The following PTPRQ variants were observed in gnomAD, a reference collection of about 807,000 sequenced individuals.
PTPRQ encodes the protein phosphatidylinositol phosphatase PTPRQ.
PTPRQ carries 199 observed loss-of-function variants against 246.0 expected under a neutral mutation model. The observed-to-expected ratio is 0.81, with a 90% CI of 0.72 to 0.91. The LOEUF (loss-of-function observed/expected upper bound fraction) is 0.91, where lower values mean the gene tolerates loss of function less well. PTPRQ is among the 40% of genes least tolerant of loss of function. The pLI, the probability that PTPRQ is intolerant of heterozygous loss-of-function variation, is 0.00. For missense variants in PTPRQ, 2,624 were observed against 2,528.4 expected (o/e 1.04, Z -0.81); for synonymous variants, 869 against 853.2 (o/e 1.02, Z -0.32).
chr12:80,668,879 C>G (rs1343864726), intron 39 of PTPRQ, 128 bp from the exon 40 acceptor site: 6 of 1,237,382 alleles, frequency 4.8e-6, no homozygotes, highest in Middle Eastern at 5.0e-4. Context: ...TTAAGATTAT[C>G]TAGTATTTAC....
chr12:80,621,902 C>A (rs1899005363), intron 32 of PTPRQ, among the ~76,000 whole-genome samples, 159 bp from the exon 33 acceptor site: 1 of 151,986 alleles, frequency 6.6e-6, no homozygotes, highest in South Asian at 2.1e-4. Flanking sequence ...ATAAATATAG[C>A]ATATATTTCT....
At chr12:80,534,307 C>T (rs1221460528) in intron 18 of PTPRQ, 132 bp downstream of exon 18, 1 of 1,007,044 alleles carries the variant, frequency 9.9e-7, no homozygotes, top group Non-Finnish European at 1.4e-6. Context: ...TGAAAAATTG[C>T]ATTTTGATCA....
At chr12:80,533,782 C>T (rs1245712493) in intron 17 of PTPRQ, among the ~76,000 whole-genome samples, 1 of 151,912 alleles carries the variant, frequency 6.6e-6, no homozygotes, top group Non-Finnish European at 1.5e-5. Flanking sequence ...TTATGAACAT[C>T]ATATTAACAT....
chr12:80,577,114 A>G (rs553395388), intron 25 of PTPRQ, among the ~76,000 whole-genome samples: 1 of 152,356 alleles, frequency 6.6e-6, no homozygotes. Flanking sequence ...GACTTACTGC[A>G]TGCAGCTGTC....
intron 9 of PTPRQ, 40 bp from the exon 10 acceptor site, chr12:80,493,235 A>T: frequency 7.2e-7 from 1 of 1,384,352 alleles, no homozygotes; most frequent in East Asian, 2.7e-5. Flanking sequence ...CATGAAGTGT[A>T]ACTGTCACAG....
Position 80,589,503 on chromosome 12 carries a change from T to C in PTPRQ, c.4609+1051T>C, listed in dbSNP as rs542208364. Among the ~76,000 whole-genome samples the C allele has an allele frequency of 3.3e-5, 5 of 152,182 alleles. No individual in the cohort carries two copies. The East Asian group carries it at 7.7e-4, about 24-fold the overall frequency. On this transcript the variant is annotated intron_variant, in intron 26 of 44. Coordinates refer to ENST00000644991, the MANE Select transcript of PTPRQ (RefSeq NM_001145026.2). ...ATACTTATTAGTATAGTAACATACCTACACACACACACATAGATTTTCAGT... is the reference window on the plus strand; with the variant it reads ...ATACTTATTAGTATAGTAACATACCCACACACACACACATAGATTTTCAGT...
intron 17 of PTPRQ, among the ~76,000 whole-genome samples, chr12:80,524,100 T>C (rs561298521): frequency 5.9e-5 from 9 of 152,350 alleles, no homozygotes; most frequent in African/African-American, 1.9e-4. Context: ...GTTGAATTGA[T>C]TCCTTTAGCA....
intron 25 of PTPRQ, among the ~76,000 whole-genome samples, chr12:80,577,731 A>G (rs1897313560): frequency 6.6e-6 from 1 of 152,164 alleles, no homozygotes; most frequent in Non-Finnish European, 1.5e-5. Flanking sequence ...CCAACTATAC[A>G]TGCATGGGAA....
At position 80,616,246 on chromosome 12, in the gene PTPRQ, G is replaced by A; in HGVS notation, c.5210G>A (p.Arg1737Lys). The A allele has an allele frequency of 1.3e-6, 2 of 1,493,740 alleles. No individual in the cohort carries two copies. The highest frequency in any genetic ancestry group is 1.8e-6 in the Non-Finnish European group (2 of 1,119,752). The allele number at this position is 1,493,740 out of a possible 1,614,324, so 92.5% of individuals were successfully genotyped here. A position where few individuals can be genotyped will look rare whatever the true frequency, so the allele number is the denominator to read the frequency against. Residue 1737 changes from arginine to lysine, a missense_variant, in exon 30 of 45, where the codon AGA becomes AAA. Physicochemically the swap from Arg to Lys is conservative, Grantham distance 26. Coordinates refer to ENST00000644991, the MANE Select transcript of PTPRQ (RefSeq NM_001145026.2). ...GGTGCAGGTCCAAAGGTTCCGATGAGAATAACCATGGATATCAAAGGTACA... is the reference window on the plus strand; with the variant it reads ...GGTGCAGGTCCAAAGGTTCCGATGAAAATAACCATGGATATCAAAGGTACA... ...SAGAGPKVPM[R>K]ITMDIKAPAR...
intron 17 of PTPRQ, among the ~76,000 whole-genome samples, chr12:80,523,028 C>T (rs1391430565): frequency 6.6e-6 from 1 of 152,070 alleles, no homozygotes. Flanking sequence ...TTAATTATTG[C>T]CTCAATTTCA....
chr12:80,621,537 C>A (rs1898989924), intron 32 of PTPRQ, among the ~76,000 whole-genome samples: 1 of 151,892 alleles, frequency 6.6e-6, no homozygotes, highest in South Asian at 2.1e-4. Context: ...GTATCCTTTA[C>A]TTCAAATGCT....
At chr12:80,553,286 T>C (rs1436025274) in intron 25 of PTPRQ, among the ~76,000 whole-genome samples, 1 of 152,140 alleles carries the variant, frequency 6.6e-6, no homozygotes, top group Non-Finnish European at 1.5e-5. Context: ...ATTTTGATTT[T>C]TATTTTTAAA....
intron 39 of PTPRQ, among the ~76,000 whole-genome samples, chr12:80,659,822 T>C (rs547398104): frequency 7.2e-5 from 11 of 152,188 alleles, no homozygotes; most frequent in Admixed American, 1.3e-4. Flanking sequence ...TGCATAATCA[T>C]TGCTGAGCTG....
chr12:80,619,168 C>T (rs575658652), intron 30 of PTPRQ, among the ~76,000 whole-genome samples: 10 of 151,580 alleles, frequency 6.6e-5, no homozygotes, highest in African/African-American at 2.2e-4. Context: ...CACACCTGGG[C>T]TCTATTATCT....
rs1218549159 is a variant in PTPRQ at position 80,602,347 on chromosome 12, A to G, written c.4610-2712A>G. Among the ~76,000 whole-genome samples the G allele has an allele frequency of 2.6e-5, 4 of 151,846 alleles. No individual in the cohort carries two copies. The East Asian group carries it at 7.8e-4, about 29-fold the overall frequency. On this transcript the variant is annotated intron_variant, in intron 26 of 44. Coordinates refer to ENST00000644991, the MANE Select transcript of PTPRQ (RefSeq NM_001145026.2). ...AAGAAATATATTCTAAATATCAATT[A>G]CTTATTCACAGTTTAAAGATTGTCA... is the stretch of plus-strand genomic sequence containing the variant.
chr12:80,606,884 T>C (rs550343798), intron 27 of PTPRQ, among the ~76,000 whole-genome samples: 3 of 151,054 alleles, frequency 2.0e-5, no homozygotes, highest in Non-Finnish European at 4.5e-5. Flanking sequence ...AAACAAATTA[T>C]AAAATGATAA....
chr12:80,521,661 T>C (rs1895493624), intron 17 of PTPRQ, among the ~76,000 whole-genome samples: 1 of 152,182 alleles, frequency 6.6e-6, no homozygotes, highest in African/African-American at 2.4e-5. Context: ...TTGTCAAAGA[T>C]CAGATAGTTG....
At chr12:80,556,318 CA>C in intron 25 of PTPRQ, among the ~76,000 whole-genome samples, 1 of 152,262 alleles carries the variant, frequency 6.6e-6, no homozygotes, top group South Asian at 2.1e-4. Context: ...CATGAGCCAC[CA>C]TGCCTGGCCT....
chr12:80,625,488 CTG>C (rs1491310061), intron 33 of PTPRQ, among the ~76,000 whole-genome samples: 1 of 152,138 alleles, frequency 6.6e-6, no homozygotes, highest in African/African-American at 2.4e-5. Context: ...TTGCACGACT[CTG>C]TTTCCACAGA....
Sources: allele counts gnomAD v4.1 joint callset (sites outside exome capture counted in the v4.1 genomes callset), GRCh38; gene constraint gnomAD v4.1.1; transcripts MANE v1.5; gene names NCBI Gene and HGNC (gene_info 2026-07-23, HGNC 2026-07-21).